TSHR: variants seen among roughly 807,000 people sequenced by gnomAD.
TSHR encodes thyrotropin receptor.
In TSHR, 51 loss-of-function variants were observed where a neutral mutation model predicts 64.1. That is an observed-to-expected ratio of 0.80 (90% CI 0.64 to 1.01). The LOEUF (loss-of-function observed/expected upper bound fraction) is 1.01. Ranked by LOEUF, TSHR falls within the 50% of genes least tolerant of loss-of-function variation. TSHR has a pLI of 0.00. For missense variants in TSHR, 877 were observed against 942.8 expected, an observed-to-expected ratio of 0.93 and a Z score of 0.91; for synonymous variants, 361 against 361.9, an observed-to-expected ratio of 1.00 and a Z score of 0.03.
chr14:81,033,352 G>A (rs898059112), intron 1 of TSHR: 9 of 291,022 alleles, frequency 3.1e-5, no homozygotes, highest in African/African-American at 2.1e-4. Context: ...AGCTCCGAAA[G>A]TGAATGACAG....
rs1046871784 is a variant in TSHR at position 81,103,330 on chromosome 14, T to A, written c.615-5045T>A. The A allele has an allele frequency of 1.0e-6, 1 of 985,314 alleles. No individual in the cohort carries two copies. Among genetic ancestry groups the A allele is most frequent in the South Asian group, 4.7e-5 (1 of 21,290 alleles). 61.0% of individuals were successfully genotyped at this position (985,314 alleles called of 1,614,324 possible). ...AGGATTTCACATGGCATGTTAGCAATTTGGTAATTTCTCCAGAAGTTTGTC... is the reference window on the plus strand; with the variant it reads ...AGGATTTCACATGGCATGTTAGCAAATTGGTAATTTCTCCAGAAGTTTGTC... On this transcript the variant is annotated intron_variant, in intron 7 of 9. Coordinates refer to ENST00000298171, the MANE Select transcript of TSHR (RefSeq NM_000369.5). This position sits in a 1 kb window ranked among gnomAD's most constrained non-coding sequence, Gnocchi z 4.1.
intron 1 of TSHR, chr14:81,051,402 C>T (rs188069768): frequency 1.3e-5 from 2 of 151,984 alleles, no homozygotes; most frequent in African/African-American, 4.8e-5. Flanking sequence ...AAATTTTGAC[C>T]TTCTCCCATG....
At chr14:81,069,859 G>T (rs760169766) in intron 3 of TSHR, among the ~76,000 whole-genome samples, 1 of 152,132 alleles carries the variant, frequency 6.6e-6, no homozygotes, top group Non-Finnish European at 1.5e-5. Context: ...TTCAAATATT[G>T]GTTATCAGAC....
At chr14:80,981,396 G>T (rs1888160684) in intron 1 of TSHR, among the ~76,000 whole-genome samples, 1 of 152,282 alleles carries the variant, frequency 6.6e-6, no homozygotes, top group South Asian at 2.1e-4. Flanking sequence ...TTGCCATTCA[G>T]ATCATGGGGA....
At chr14:81,035,881 T>G (rs1005293) in intron 1 of TSHR, among the ~76,000 whole-genome samples, 3 of 130,686 alleles carry the variant, frequency 2.3e-5, no homozygotes, top group Admixed American at 7.4e-5. Flanking sequence ...AAAATAAAAA[T>G]AAATAAAAAT....
At chr14:81,078,494 T>A (rs1422432755) in intron 3 of TSHR, among the ~76,000 whole-genome samples, 1 of 152,160 alleles carries the variant, frequency 6.6e-6, no homozygotes. Flanking sequence ...CCTAGGTGAG[T>A]TTTTTTATAT....
rs1566735288 is a variant in TSHR, at chr14:80,955,713, G to A, written c.33G>A (p.Leu11=). 2 of 1,614,144 alleles carry A rather than the reference G, an allele frequency of 1.2e-6. No individual in the cohort carries two copies. Among genetic ancestry groups the A allele is most frequent in the Non-Finnish European group, 8.5e-7 (1 of 1,180,008 alleles). Reference sequence around the variant, plus strand: ...CGGCGGACTTGCTGCAGCTGGTGCTGCTGCTCGACCTGCCCAGGGACCTGG... The same window carrying A: ...CGGCGGACTTGCTGCAGCTGGTGCTACTGCTCGACCTGCCCAGGGACCTGG... MRPADLLQLV[L]LLDLPRDLGG... is the part of the protein sequence containing the mutation. The change falls in exon 1 of 10, where the codon CTG becomes CTA. Residue 11 remains leucine (L), a synonymous_variant. Transcript: ENST00000298171.
At chr14:81,116,728 A>AT (rs778089276) in intron 8 of TSHR, among the ~76,000 whole-genome samples, 5 of 140,998 alleles carry the variant, frequency 3.5e-5, no homozygotes, top group Non-Finnish European at 7.4e-5. Flanking sequence ...CAGAATATAC[A>AT]TTTTTTTTCA....
At chr14:80,966,591 AT>A (rs1420884580) in intron 1 of TSHR, among the ~76,000 whole-genome samples, 19 of 152,104 alleles carry the variant, frequency 1.2e-4, no homozygotes, top group African/African-American at 4.1e-4. Flanking sequence ...AAAAAAAAAA[AT>A]AAAAATTTAA....
intron 1 of TSHR, among the ~76,000 whole-genome samples, chr14:81,029,042 T>C (rs1014409239): frequency 6.6e-6 from 1 of 151,740 alleles, no homozygotes; most frequent in African/African-American, 2.4e-5. Flanking sequence ...AAATTTTTAA[T>C]AAAATGGATA....
intron 3 of TSHR, among the ~76,000 whole-genome samples, chr14:81,072,782 G>A: frequency 7.3e-6 from 1 of 137,892 alleles, no homozygotes; most frequent in East Asian, 2.0e-4. Flanking sequence ...CGGATCACGA[G>A]GTCAGGAGAT....
chr14:81,043,904 C>A (rs1335446681), intron 1 of TSHR, among the ~76,000 whole-genome samples: 2 of 152,112 alleles, frequency 1.3e-5, no homozygotes, highest in East Asian at 3.9e-4. Flanking sequence ...TGAAACTGGA[C>A]CCCTTCCTTA....
At chr14:81,038,118 A>G (rs1884742084) in intron 1 of TSHR, among the ~76,000 whole-genome samples, 1 of 152,122 alleles carries the variant, frequency 6.6e-6, no homozygotes, top group African/African-American at 2.4e-5. Context: ...TTAAAAATCA[A>G]AAGCATATTA....
intron 8 of TSHR, among the ~76,000 whole-genome samples, chr14:81,118,280 T>C (rs1890619752): frequency 2.1e-5 from 2 of 93,904 alleles, no homozygotes; most frequent in Admixed American, 1.2e-4. Flanking sequence ...GAAAACCCCA[T>C]TGTCTCAGCC....
At chr14:80,964,136 C>T (rs185328320) in intron 1 of TSHR, among the ~76,000 whole-genome samples, 5 of 152,134 alleles carry the variant, frequency 3.3e-5, no homozygotes, top group Admixed American at 2.0e-4. Context: ...AGAGGCGGAG[C>T]GGGGGCGGAT....
intron 3 of TSHR, among the ~76,000 whole-genome samples, chr14:81,080,531 G>A (rs1480025938): frequency 6.6e-6 from 1 of 152,102 alleles, no homozygotes; most frequent in East Asian, 1.9e-4. Flanking sequence ...TTTCTTCAAT[G>A]TGCTTTAAAA....
chr14:80,969,759 A>G (rs1331493126), intron 1 of TSHR, among the ~76,000 whole-genome samples: 1 of 152,248 alleles, frequency 6.6e-6, no homozygotes, highest in East Asian at 1.9e-4. Context: ...CGCAAACCAG[A>G]GTAATCAGTG....
chr14:81,017,891 A>G (rs998090918), intron 1 of TSHR, among the ~76,000 whole-genome samples: 1 of 149,356 alleles, frequency 6.7e-6, no homozygotes, highest in African/African-American at 2.5e-5. Flanking sequence ...GTACAATGAC[A>G]TGATCTCGGC....
intron 1 of TSHR, among the ~76,000 whole-genome samples, chr14:81,038,169 T>C (rs1884744986): frequency 6.6e-6 from 1 of 151,942 alleles, no homozygotes; most frequent in Non-Finnish European, 1.5e-5. Flanking sequence ...TAGAAACTGA[T>C]AAGAGGAAGA....
Sources: allele counts gnomAD v4.1 joint callset (sites outside exome capture counted in the v4.1 genomes callset), GRCh38; gene constraint gnomAD v4.1.1; non-coding constraint Gnocchi (gnomAD v3.1); transcripts MANE v1.5; gene names NCBI Gene and HGNC (gene_info 2026-07-23, HGNC 2026-07-21).